Variants in TEX14 observed in about 807,000 individuals in gnomAD.
TEX14 encodes inactive serine/threonine-protein kinase TEX14.
A neutral mutation model predicts 178.6 loss-of-function variants in TEX14; 168 were observed. That is an observed-to-expected ratio of 0.94 (90% CI 0.83 to 1.07). TEX14 has a LOEUF of 1.07. TEX14 is among the 50% of genes least tolerant of loss of function. The pLI is 0.00. For synonymous variants in TEX14, 626 were observed against 634.1 expected (o/e 0.99, Z 0.19); for missense variants, 1,730 against 1,753.6 (o/e 0.99, Z 0.24).
intron 14 of TEX14, 28 bp from the exon 15 acceptor site, chr17:58,593,689 GCTTTGATGAGAGAATTCCCACT>G: frequency 1.3e-6 from 2 of 1,563,354 alleles, no homozygotes; most frequent in Non-Finnish European, 1.8e-6. Flanking sequence ...ATGTTTCAGG[GCTTTGATGAGAGAATTCCCACT>G]CTCTTCACTG....
chr17:58,686,927 G>T (rs371810737), intron 1 of TEX14, among the ~76,000 whole-genome samples: 1 of 121,480 alleles, frequency 8.2e-6, no homozygotes, highest in Admixed American at 1.1e-4. Context: ...ACCCTAGAGC[G>T]CAGGGGAGGG....
At chr17:58,579,597 A>T (rs895140856) in intron 20 of TEX14, 68 bp downstream of exon 20, 1 of 1,348,558 alleles carries the variant, frequency 7.4e-7, no homozygotes, top group African/African-American at 1.4e-5. Flanking sequence ...AGCTCTAAAC[A>T]TCTGTGATCC....
chr17:58,654,230 G>A (rs1368281301), intron 1 of TEX14, among the ~76,000 whole-genome samples: 1 of 151,974 alleles, frequency 6.6e-6, no homozygotes, highest in African/African-American at 2.4e-5. Context: ...TACTACAAGG[G>A]CTGGAATGCA....
Position 58,602,451 on chromosome 17 carries a change from G to C in TEX14, c.1476C>G (p.Asp492Glu), listed in dbSNP as rs1226218562. ...VKSGIHVKQKDRTMNLQDIRY... is the reference protein window; with the variant it reads ...VKSGIHVKQKERTMNLQDIRY... ...GGATATCTTGAAGGTTCATAGTTCG[G>C]TCTTTCTGCTTGACGTGGATGCCTG... Residue 492 changes from aspartate (D) to glutamate (E), a missense_variant, in exon 12 of 32, where the codon GAC becomes GAG. Asp to Glu is a conservative substitution (Grantham distance 45, BLOSUM62 2). Transcript: ENST00000349033. 1.2e-6 allele frequency: 2 copies of C among 1,613,998 alleles called. No individual in the cohort carries two copies. The highest frequency in any genetic ancestry group is 1.7e-6 in the Non-Finnish European group (2 of 1,179,998).
intron 2 of TEX14, among the ~76,000 whole-genome samples, chr17:58,648,660 G>A (rs2046767580): frequency 2.0e-5 from 3 of 152,028 alleles, no homozygotes; most frequent in African/African-American, 7.2e-5. Flanking sequence ...TGGGACTCAG[G>A]TCTCATCTCT....
intron 2 of TEX14, among the ~76,000 whole-genome samples, chr17:58,633,559 G>A (rs1384291490): frequency 6.6e-6 from 1 of 152,218 alleles, no homozygotes. Context: ...GCTGGGGATG[G>A]TGGCTCACGG....
Position 58,660,914 on chromosome 17 carries a change from G to A in TEX14, c.-1-8912C>T, listed in dbSNP as rs749237361. The A allele has an allele frequency of 2.9e-5, 25 of 855,408 alleles. No homozygotes were observed. In the Admixed American group the frequency reaches 4.2e-4, roughly 14 times the overall value. 53.0% of individuals were successfully genotyped at this position (855,408 alleles called of 1,614,324 possible). ...CTGGTGACATGAGTTAGAAGTGGATGCCTCTCTTGAAGAGTCTTTCTCTCC... is the reference window on the plus strand; with the variant it reads ...CTGGTGACATGAGTTAGAAGTGGATACCTCTCTTGAAGAGTCTTTCTCTCC... On this transcript the variant is annotated intron_variant, in intron 1 of 31. Coordinates refer to ENST00000349033, the MANE Select transcript of TEX14 (RefSeq NM_031272.5).
intron 26 of TEX14, among the ~76,000 whole-genome samples, chr17:58,566,798 CAAAAA>C (rs755657065): frequency 3.1e-5 from 2 of 65,194 alleles, no homozygotes. Context: ...GACTCTGTCT[CAAAAA>C]AAAAAAAAAA....
At chr17:58,563,658 T>G (rs2041224) in intron 28 of TEX14, among the ~76,000 whole-genome samples, 583 of 16,446 alleles carry the variant, frequency 0.035, 2 homozygotes, top group Non-Finnish European at 0.041. Context: ...TATATATATA[T>G]AGAGAGAGAG....
intron 9 of TEX14, 52 bp downstream of exon 9, chr17:58,613,369 G>T: frequency 6.2e-7 from 1 of 1,611,184 alleles, no homozygotes; most frequent in Admixed American, 1.7e-5. Context: ...AGGGTGAGGA[G>T]GGAAGAAACT....
chr17:58,581,147 C>G (rs1027584168), intron 19 of TEX14, among the ~76,000 whole-genome samples: 4 of 151,936 alleles, frequency 2.6e-5, no homozygotes, highest in African/African-American at 9.7e-5. Context: ...CCCATCTCTA[C>G]TAAAAATACA....
At chr17:58,667,090 C>T (rs2047226880) in intron 1 of TEX14, among the ~76,000 whole-genome samples, 1 of 152,200 alleles carries the variant, frequency 6.6e-6, no homozygotes, top group African/African-American at 2.4e-5. Flanking sequence ...CTAAGGCCTT[C>T]GGATCTCCCT....
At chr17:58,620,265 T>C (rs2045967900) in intron 5 of TEX14, among the ~76,000 whole-genome samples, 2 of 152,200 alleles carry the variant, frequency 1.3e-5, no homozygotes. Context: ...CTAATAGCCA[T>C]GGGGAAGGTC....
At chr17:58,635,132 C>CAA (rs71143260) in intron 2 of TEX14, among the ~76,000 whole-genome samples, 59 of 144,124 alleles carry the variant, frequency 4.1e-4, no homozygotes, top group Non-Finnish European at 4.1e-4. Flanking sequence ...AACTCTGTCT[C>CAA]AAAAAAAAAA....
intron 23 of TEX14, 126 bp from the exon 24 acceptor site, chr17:58,572,252 T>TA: frequency 5.1e-6 from 3 of 585,940 alleles, no homozygotes; most frequent in Non-Finnish European, 8.8e-6. Flanking sequence ...TTTACATTAT[T>TA]AAAACAAACA....
At chr17:58,657,189 C>T (rs1020681829) in intron 1 of TEX14, among the ~76,000 whole-genome samples, 1 of 151,874 alleles carries the variant, frequency 6.6e-6, no homozygotes. Context: ...AGGCTGATCT[C>T]GAACTCCTGG....
intron 9 of TEX14, 98 bp downstream of exon 9, chr17:58,613,323 T>C (rs2045791516): frequency 2.1e-6 from 3 of 1,431,426 alleles, no homozygotes; most frequent in East Asian, 2.3e-5. Flanking sequence ...TTATCTTCCA[T>C]GCATGCAGAA....
At chr17:58,650,414 T>C (rs1029673621) in intron 2 of TEX14, among the ~76,000 whole-genome samples, 2 of 151,944 alleles carry the variant, frequency 1.3e-5, no homozygotes, top group African/African-American at 4.8e-5. Context: ...TGGAGTAAAA[T>C]GCAAAATTTT....
chr17:58,669,461 G>A (rs1448296916), intron 1 of TEX14, among the ~76,000 whole-genome samples: 1 of 152,002 alleles, frequency 6.6e-6, no homozygotes, highest in Non-Finnish European at 1.5e-5. Context: ...TGCTGGGCGT[G>A]GTGGCTCACG....
Sources: gnomAD v4.1 joint callset for allele counts (sites outside exome capture counted in the v4.1 genomes callset) on GRCh38, gnomAD v4.1.1 for gene constraint, MANE v1.5 for transcripts, NCBI Gene and HGNC (gene_info 2026-07-23, HGNC 2026-07-21) for gene names.